The following PLXNB2 variants were observed in gnomAD, a reference collection of about 807,000 sequenced individuals.
PLXNB2 encodes plexin-B2.
Under a neutral mutation model 202.6 loss-of-function variants are expected in PLXNB2, and 85 were observed. The ratio of observed to expected loss-of-function variants is 0.42; its 90% CI spans 0.35 to 0.50. The LOEUF (loss-of-function observed/expected upper bound fraction) is 0.50. Ranked by LOEUF, PLXNB2 falls within the 20% of genes least tolerant of loss-of-function variation. PLXNB2 has a pLI of 0.02. For synonymous variants in PLXNB2, 1,239 were observed against 1,137.6 expected, an observed-to-expected ratio of 1.09 and a Z score of -1.79; for missense variants, 2,063 against 2,586.2, an observed-to-expected ratio of 0.80 and a Z score of 4.39.
At position 50,286,199 on chromosome 22, in the gene PLXNB2, CT is replaced by C; in HGVS notation, c.1850del (p.Gln617ArgfsTer3). The part of the protein sequence containing the change: ...SYQYPFYDCR[Q>X]AMSLEENLPC... Reference sequence around the variant, plus strand: ...GCAGGTTCTCCTCCAGGCTCATGGCCTGGCGGCAGTCGTAGAAGGGGTACTG... The same window carrying C: ...GCAGGTTCTCCTCCAGGCTCATGGCCGGCGGCAGTCGTAGAAGGGGTACTG... On this transcript the variant is annotated frameshift_variant, in exon 9 of 37. Transcript: ENST00000359337. LOFTEE classifies it high-confidence loss of function. 6.2e-7 allele frequency: 1 copy of C among 1,613,176 alleles called. No homozygotes were observed. Among genetic ancestry groups the C allele is most frequent in the Non-Finnish European group, 8.5e-7 (1 of 1,179,878 alleles).
At chr22:50,277,203 C>T (rs931836733) in intron 33 of PLXNB2, among the ~76,000 whole-genome samples, 15 of 151,574 alleles carry the variant, frequency 9.9e-5, no homozygotes, top group South Asian at 8.3e-4. Context: ...CAGGAGGCAG[C>T]GGCGGGAAAA....
Position 50,287,690 on chromosome 22 carries a change from T to C in PLXNB2, c.1585A>G (p.Met529Val). ...ACCTCCCCCTGGGCCCGCCGGCTCA[T>C]GTTCTGTGGCTGGGCGCTGGTGACG... is the stretch of plus-strand genomic sequence containing the variant. ...VAVTSAQPQN[M>V]SRRAQGEVQL... Residue 529 changes from methionine (M) to valine (V), a missense_variant, in exon 7 of 37, where the codon ATG (methionine) becomes GTG (valine). By Grantham distance (21) the Met-to-Val change is conservative (BLOSUM62 1). Transcript: ENST00000359337. 6.4e-7 allele frequency: 1 copy of C among 1,554,474 alleles called. No individual in the cohort carries two copies. Among genetic ancestry groups the C allele is most frequent in the Non-Finnish European group, 8.7e-7 (1 of 1,154,270 alleles).
chr22:50,292,796 G>A (rs115086932), intron 2 of PLXNB2, among the ~76,000 whole-genome samples: 9,295 of 152,268 alleles, frequency 0.061, 952 homozygotes, highest in African/African-American at 0.21. Flanking sequence ...TAACCAAGAC[G>A]CAACCGACCG....
intron 8 of PLXNB2, among the ~76,000 whole-genome samples, chr22:50,286,661 G>A (rs985926806): frequency 2.7e-4 from 41 of 152,184 alleles, no homozygotes; most frequent in African/African-American, 6.8e-4. Context: ...CCCTGCCCAC[G>A]TCACTGCGTG....
chr22:50,307,060 C>T (rs2067910657), intron 1 of PLXNB2, among the ~76,000 whole-genome samples: 1 of 152,188 alleles, frequency 6.6e-6, no homozygotes, highest in East Asian at 1.9e-4. Flanking sequence ...CGCGAGGAGG[C>T]CCAGGCAGTG....
Position 50,276,722 on chromosome 22 carries a change from T to C in PLXNB2, c.5262-18A>G. The C allele has an allele frequency of 2.5e-6, 4 of 1,611,026 alleles. No individual in the cohort carries two copies. The highest frequency in any genetic ancestry group is 3.4e-6 in the Non-Finnish European group (4 of 1,177,768). Reference sequence around the variant, plus strand: ...TGTAGTAACTGCAGGGGTGGGAGCATCATACAGTGTGGGCGGCAGGGACCA... The same window carrying C: ...TGTAGTAACTGCAGGGGTGGGAGCACCATACAGTGTGGGCGGCAGGGACCA... On this transcript the variant is annotated intron_variant, in intron 34 of 36. Coordinates refer to ENST00000359337, the MANE Select transcript of PLXNB2 (RefSeq NM_012401.4).
chr22:50,279,910 C>T (rs1275212803), intron 26 of PLXNB2, 95 bp downstream of exon 26: 12 of 1,388,700 alleles, frequency 8.6e-6, no homozygotes, highest in Non-Finnish European at 1.1e-5. Context: ...AGGCAGGGCC[C>T]ACCTCAAGGT....
In PLXNB2 at chr22:50,280,909, G is replaced by T; in HGVS notation, c.3828C>A (p.Asp1276Glu). 6.2e-7 allele frequency: 1 copy of T among 1,613,552 alleles called. No homozygotes were observed. Among genetic ancestry groups the T allele is most frequent in the South Asian group, 1.1e-5 (1 of 91,086 alleles). Residue 1276 changes from aspartate to glutamate, a missense_variant, in exon 24 of 37, where the codon GAC (aspartate) becomes GAA (glutamate). By Grantham distance (45) the Asp-to-Glu change is conservative. Around this residue, in one of 2 missense-constraint regions of PLXNB2, gnomAD observed 760 missense variants for 1,109.4 expected, o/e 0.69. Coordinates refer to ENST00000359337, the MANE Select transcript of PLXNB2 (RefSeq NM_012401.4). ...DVHEAGIPVL[D>E]YKTYTDRVFF... ...AGACGCGGTCGGTGTAGGTCTTGTAGTCCAGCACGGGGATGCCGGCCTCGT... is the reference window on the plus strand; with the variant it reads ...AGACGCGGTCGGTGTAGGTCTTGTATTCCAGCACGGGGATGCCGGCCTCGT...
Position 50,297,326 on chromosome 22 carries a change from G to A in PLXNB2, c.-73-2548C>T, listed in dbSNP as rs1245327207. 5.9e-5 allele frequency among the ~76,000 whole-genome samples: 9 copies of A among 152,144 alleles called. No homozygotes were observed. Among genetic ancestry groups the A allele is most frequent in the South Asian group, 2.1e-4 (1 of 4,824 alleles). On this transcript the variant is annotated intron_variant, in intron 1 of 36. Coordinates refer to ENST00000359337, the MANE Select transcript of PLXNB2 (RefSeq NM_012401.4). The surrounding 1 kb of genome is among the most constrained non-coding windows in gnomAD (Gnocchi z 5.3). ...CCAAGGTCAGGGGAGGCTGGCTTCT[G>A]TCCCGCCCATCCCGCACGCCCTCGA...
At position 50,277,721 on chromosome 22, in the gene PLXNB2, C is replaced by A; in HGVS notation, c.5066G>T (p.Trp1689Leu). ...GTGGGGGTTCTTGAGGATGTTCACCCAGAACCGGAGCGGTAAGCTGAGGCA... is the reference window on the plus strand; with the variant it reads ...GTGGGGGTTCTTGAGGATGTTCACCAAGAACCGGAGCGGTAAGCTGAGGCA... The part of the protein sequence containing the change: ...WKTNSLPLRF[W>L]VNILKNPHFI... Residue 1689 changes from tryptophan to leucine, a missense_variant, in exon 33 of 37, where the codon TGG becomes TTG. Trp to Leu is a moderately conservative substitution (Grantham distance 61). Coordinates refer to ENST00000359337, the MANE Select transcript of PLXNB2 (RefSeq NM_012401.4). 1 of 1,601,090 alleles carries A rather than the reference C, an allele frequency of 6.2e-7. No homozygotes were observed. The highest frequency in any genetic ancestry group is 8.5e-7 in the Non-Finnish European group (1 of 1,172,030).
At chr22:50,277,832 G>C (rs766494089) in intron 32 of PLXNB2, 21 bp downstream of exon 32, 117 of 1,608,152 alleles carry the variant, frequency 7.3e-5, no homozygotes, top group Non-Finnish European at 9.6e-5. Flanking sequence ...GCTGGGCCGC[G>C]GGGTGGGTGT....
chr22:50,307,590 C>G lies in PLXNB2; in HGVS notation c.-111G>C, dbSNP rs1015693015. The G allele has an allele frequency of 1.0e-6, 1 of 981,236 alleles. No individual in the cohort carries two copies. Among genetic ancestry groups the G allele is most frequent in the Non-Finnish European group, 1.2e-6 (1 of 828,428 alleles). 60.8% of individuals were successfully genotyped at this position (981,236 alleles called of 1,614,324 possible). ...CGCCAAGGCTCGATGGCGCCCGGGC[C>G]GCGCTCGGCGCTGCGCTCTGGCCCG... On this transcript the variant is annotated 5_prime_UTR_variant, in exon 1 of 37. Coordinates refer to ENST00000359337, the MANE Select transcript of PLXNB2 (RefSeq NM_012401.4).
chr22:50,279,273 A>C (rs1035275513), intron 27 of PLXNB2, among the ~76,000 whole-genome samples: 3 of 152,248 alleles, frequency 2.0e-5, no homozygotes, highest in Non-Finnish European at 4.4e-5. Flanking sequence ...TCATGGAAGC[A>C]CATGTACAGA....
At chr22:50,287,892 G>T (rs1461947752) in intron 6 of PLXNB2, 45 bp downstream of exon 6, 1 of 1,583,670 alleles carries the variant, frequency 6.3e-7, no homozygotes, top group Non-Finnish European at 8.6e-7. Context: ...GACCTTCCGG[G>T]ATCCCAGAGG....
At chr22:50,278,395 C>G in intron 30 of PLXNB2, 40 bp downstream of exon 30, 1 of 1,560,108 alleles carries the variant, frequency 6.4e-7, no homozygotes. Context: ...ACGCTGACCA[C>G]CAGGGGCTGG....
At chr22:50,299,676 C>A (rs1483290190) in intron 1 of PLXNB2, among the ~76,000 whole-genome samples, 1 of 152,082 alleles carries the variant, frequency 6.6e-6, no homozygotes, top group Non-Finnish European at 1.5e-5. Flanking sequence ...CGTGGGTAGG[C>A]GCGGGGAGGG....
intron 35 of PLXNB2, among the ~76,000 whole-genome samples, 199 bp downstream of exon 35, chr22:50,276,430 T>TGGATGGAGTGACAGGGAGGG (rs1601667928): frequency 5.7e-4 from 2 of 3,518 alleles, no homozygotes; most frequent in Admixed American, 3.2e-3. Context: ...GGGCAGGGCC[T>TGGATGGAGTGACAGGGAGGG]GGCTCCAAGC....
At chr22:50,280,459 G>A in intron 25 of PLXNB2, 30 bp downstream of exon 25, 1 of 1,571,850 alleles carries the variant, frequency 6.4e-7, no homozygotes. Context: ...CCCCGCCCGT[G>A]GCCCCGCTCG....
chr22:50,289,853 C>G lies in PLXNB2; in HGVS notation c.732G>C (p.Thr244=), dbSNP rs367836362. 1.9e-6 allele frequency: 3 copies of G among 1,613,256 alleles called. No individual in the cohort carries two copies. In the South Asian group the frequency reaches 3.3e-5, roughly 18 times the overall value. Residue 244 remains threonine, a synonymous_variant, in exon 3 of 37, where the codon ACG becomes ACC. Coordinates refer to ENST00000359337, the MANE Select transcript of PLXNB2 (RefSeq NM_012401.4). This position sits in a 1 kb window ranked among gnomAD's most constrained non-coding sequence, Gnocchi z 8.0. ...CTTCTCTGCACATGCGTGCCAGCAG[C>G]GTGCGGTTCCGGGCCGGGTGCTTGT... The part of the protein sequence containing the change: ...QQDKHPARNR[T]LLARMCREDP...
Sources: gnomAD v4.1 joint callset for allele counts (sites outside exome capture counted in the v4.1 genomes callset) on GRCh38, gnomAD v4.1.1 for gene constraint, gnomAD v4.1.1 regional missense constraint, Gnocchi (gnomAD v3.1) non-coding constraint, MANE v1.5 for transcripts, NCBI Gene and HGNC (gene_info 2026-07-23, HGNC 2026-07-21) for gene names.